The following TJP1 variants were observed in gnomAD, a reference collection of about 807,000 sequenced individuals.
The protein encoded by TJP1 is tight junction protein ZO-1.
A neutral mutation model predicts 194.2 loss-of-function variants in TJP1; 43 were observed. That is an observed-to-expected ratio of 0.22 (90% CI 0.17 to 0.29). The LOEUF is 0.29. TJP1 is among the 10% of genes least tolerant of loss of function. TJP1 has a pLI of 1.00. For synonymous variants in TJP1, 801 were observed against 779.0 expected, an observed-to-expected ratio of 1.03 and a Z score of -0.47; for missense variants, 1,971 against 2,185.7, an observed-to-expected ratio of 0.90 and a Z score of 1.96.
At position 29,740,182 on chromosome 15, in the gene TJP1, A is replaced by G. The variant is rs560851212; in HGVS notation, c.1256+1149T>C. 2.4e-4 allele frequency among the ~76,000 whole-genome samples: 36 copies of G among 151,918 alleles called. 1 individual carries two copies. Among genetic ancestry groups the G allele is most frequent in the African/African-American group, 8.7e-4 (36 of 41,448 alleles). On this transcript the variant is annotated intron_variant, in intron 10 of 27. Transcript: ENST00000614355. Reference sequence around the variant, plus strand: ...AGTAGAGATGGGTTTTCACCATGTTAGCCAGGATGGTCTTGATCTCCTGAC... The same window carrying G: ...AGTAGAGATGGGTTTTCACCATGTTGGCCAGGATGGTCTTGATCTCCTGAC...
In TJP1 at chr15:29,950,149, CACCTCCACCACCACCACAACCACT is replaced by C. The variant is rs1567228144; in HGVS notation, c.306+6059_306+6082del. ...CCACCTCCACCACCACCACAACCAC[CACCTCCACCACCACCACAACCACT>C]ACCTCCACCTCCACCACCACCACCA... On this transcript the variant is annotated intron_variant, in intron 2 of 28. Coordinates refer to the TJP1 transcript ENST00000356107. Among the ~76,000 whole-genome samples, 22 of 117,052 alleles carry C rather than the reference CACCTCCACCACCACCACAACCACT, an allele frequency of 1.9e-4. 3 individuals carry two copies. Among genetic ancestry groups the C allele is most frequent in the African/African-American group, 4.4e-4 (12 of 27,036 alleles). 76.8% of individuals were successfully genotyped at this position (117,052 alleles called of 152,430 possible). A position where few individuals can be genotyped will look rare whatever the true frequency, so the allele number is the denominator to read the frequency against.
intron 1 of TJP1, among the ~76,000 whole-genome samples, chr15:29,817,628 T>A (rs933141021): frequency 6.6e-5 from 10 of 152,176 alleles, no homozygotes; most frequent in African/African-American, 2.4e-4. Context: ...GTGGTACATA[T>A]ATACACCATG....
chr15:29,909,337 CCAAA>C (rs2053941767), intron 2 of TJP1, among the ~76,000 whole-genome samples: 1 of 45,496 alleles, frequency 2.2e-5, no homozygotes, highest in Non-Finnish European at 3.6e-5. Context: ...GACTTCATCT[CCAAA>C]AAAAAAAAAA....
chr15:29,872,623 G>A (rs1221569188), intron 2 of TJP1, among the ~76,000 whole-genome samples: 1 of 141,834 alleles, frequency 7.1e-6, no homozygotes, highest in Non-Finnish European at 1.5e-5. Flanking sequence ...GAAGTTCTAG[G>A]TAAGAGCTTT....
At chr15:29,949,709 T>G (rs1327150343) in intron 2 of TJP1, among the ~76,000 whole-genome samples, 1 of 51,234 alleles carries the variant, frequency 2.0e-5, no homozygotes, top group Non-Finnish European at 3.9e-5. Context: ...CACCACCACC[T>G]CCATCACCTC....
intron 2 of TJP1, among the ~76,000 whole-genome samples, chr15:29,908,426 A>G (rs1310661831): frequency 6.6e-6 from 1 of 152,224 alleles, no homozygotes; most frequent in Non-Finnish European, 1.5e-5. Context: ...CTAGAATGCT[A>G]TACTCAACCA....
chr15:29,737,562 A>G, intron 10 of TJP1, 148 bp from the exon 11 acceptor site: 1 of 854,428 alleles, frequency 1.2e-6, no homozygotes, highest in East Asian at 2.7e-5. Context: ...AATAAAATTT[A>G]GTGTTAGAAT....
In TJP1 at chr15:29,789,086, A is replaced by G. The variant is rs192093884; in HGVS notation, c.84+11560T>C. Among the ~76,000 whole-genome samples, 7 of 152,362 alleles carry G rather than the reference A, an allele frequency of 4.6e-5. No individual in the cohort carries two copies. In the East Asian group the frequency reaches 1.3e-3, roughly 29 times the overall value. On this transcript the variant is annotated intron_variant, in intron 2 of 27. Coordinates refer to ENST00000614355, the MANE Select transcript of TJP1 (RefSeq NM_001330239.4). ...GAAATATATTTTGTGCATACTAAAT[A>G]AGACCTATTATAAAGTTAGTTTCAC...
At chr15:29,860,833 C>A (rs532248011) in intron 2 of TJP1, among the ~76,000 whole-genome samples, 4 of 152,248 alleles carry the variant, frequency 2.6e-5, no homozygotes, top group East Asian at 3.9e-4. Flanking sequence ...CGACAGGCAC[C>A]ATTTTTCTAA....
Position 29,732,760 on chromosome 15 carries a change from G to A in TJP1, c.1792C>T (p.Arg598Cys). Residue 598 changes from arginine (R) to cysteine (C), a missense_variant, in exon 14 of 28, where the codon CGT (arginine) becomes TGT (cysteine). By Grantham distance (180) the Arg-to-Cys change is radical (BLOSUM62 -3). Around this residue, in one of 5 missense-constraint regions of TJP1, gnomAD observed 402 missense variants for 484.2 expected, o/e 0.83. Transcript: ENST00000614355. ...YTLPKTAGGD[R>C]ADFWRFRGLR... ...CCTCTGAATCTCCAGAAGTCAGCAC[G>A]GTCTCCGCCTGCTGTTTTTGGAAGT... is the stretch of plus-strand genomic sequence containing the variant. 1 of 1,613,994 alleles carries A rather than the reference G, an allele frequency of 6.2e-7. No homozygotes were observed. The highest frequency in any genetic ancestry group is 8.5e-7 in the Non-Finnish European group (1 of 1,179,980).
chr15:29,864,772 C>T (rs539878379), intron 2 of TJP1, among the ~76,000 whole-genome samples: 1 of 152,210 alleles, frequency 6.6e-6, no homozygotes, highest in Admixed American at 6.5e-5. Flanking sequence ...CAGTTAGCTA[C>T]GTGGGGGGCT....
At chr15:29,898,341 C>T (rs560401258) in intron 2 of TJP1, among the ~76,000 whole-genome samples, 3 of 152,280 alleles carry the variant, frequency 2.0e-5, no homozygotes, top group Admixed American at 2.0e-4. Flanking sequence ...TCCCCAGCCA[C>T]GTGGAACTGT....
At chr15:29,796,964 GA>G (rs35168660) in intron 2 of TJP1, among the ~76,000 whole-genome samples, 129,852 of 150,208 alleles carry the variant, frequency 0.86, 56,579 homozygotes, top group Admixed American at 0.92. Flanking sequence ...ACATCTGTAT[GA>G]AAAAAAAAAA....
chr15:29,928,626 A>T (rs1403461206), intron 2 of TJP1, among the ~76,000 whole-genome samples: 1 of 152,164 alleles, frequency 6.6e-6, no homozygotes, highest in Admixed American at 6.5e-5. Flanking sequence ...AGATAATCTT[A>T]CTCTCACAAT....
intron 1 of TJP1, among the ~76,000 whole-genome samples, chr15:29,818,488 T>C (rs185273481): frequency 2.0e-4 from 30 of 152,318 alleles, no homozygotes; most frequent in Middle Eastern, 6.8e-3. Context: ...TTATCACACA[T>C]ATAAAAAACG....
chr15:29,956,857 A>G lies in TJP1; in HGVS notation c.174-493T>C, dbSNP rs376402428. Among the ~76,000 whole-genome samples, 103 of 152,096 alleles carry G rather than the reference A, an allele frequency of 6.8e-4. 3 individuals carry two copies. In the South Asian group the frequency reaches 0.021, roughly 31 times the overall value. On this transcript the variant is annotated intron_variant, in intron 1 of 28. Coordinates refer to the TJP1 transcript ENST00000356107. Reference sequence around the variant, plus strand: ...TGAGCCACCACTGCACTCCAGCCTGAGAGATAAGAGTAAGACCCTGTCTCA... The same window carrying G: ...TGAGCCACCACTGCACTCCAGCCTGGGAGATAAGAGTAAGACCCTGTCTCA...
chr15:29,844,029 G>A (rs987947197), intron 2 of TJP1, among the ~76,000 whole-genome samples: 2 of 152,164 alleles, frequency 1.3e-5, no homozygotes, highest in East Asian at 3.9e-4. Flanking sequence ...GGTGGGCAGA[G>A]CACCAGAGTG....
chr15:29,958,337 T>A (rs1032340919), intron 1 of TJP1, among the ~76,000 whole-genome samples: 3 of 151,884 alleles, frequency 2.0e-5, no homozygotes, highest in Admixed American at 2.0e-4. Flanking sequence ...ATAAGTAGCA[T>A]GTAGCTGGAT....
intron 2 of TJP1, among the ~76,000 whole-genome samples, chr15:29,848,684 C>A (rs759083380): frequency 1.4e-4 from 21 of 151,620 alleles, no homozygotes; most frequent in Non-Finnish European, 2.5e-4. Flanking sequence ...CATGGTGAAA[C>A]CCCATCTCTA....
Sources: allele counts gnomAD v4.1 joint callset (sites outside exome capture counted in the v4.1 genomes callset), GRCh38; gene constraint gnomAD v4.1.1; regional missense constraint gnomAD v4.1.1; transcripts MANE v1.5; gene names NCBI Gene and HGNC (gene_info 2026-07-23, HGNC 2026-07-21).